The following CCND1 variants were observed in gnomAD, a reference collection of about 807,000 sequenced individuals.
The protein encoded by CCND1 is G1/S-specific cyclin-D1.
A neutral mutation model predicts 26.1 loss-of-function variants in CCND1; 9 were observed. The ratio of observed to expected loss-of-function variants is 0.35; its 90% CI spans 0.21 to 0.60. CCND1 has a LOEUF of 0.60. Ranked by LOEUF, CCND1 falls within the 20% of genes least tolerant of loss-of-function variation. The probability of loss-of-function intolerance (pLI) is 0.79; values close to 1 mark genes in which losing one functional copy is unlikely to be tolerated. For synonymous variants in CCND1, 194 were observed against 166.1 expected (o/e 1.17, Z -1.29); for missense variants, 335 against 392.9 (o/e 0.85, Z 1.25).
rs781335332 is a variant in CCND1, at chr11:69,641,403, C to T, written c.90C>T (p.Ala30=). Residue 30 remains alanine, a synonymous_variant, in exon 1 of 5, where the codon GCC becomes GCT. Transcript: ENST00000227507. ...ANLLNDRVLR[A]MLKAEETCAP... is the part of the protein sequence containing the mutation. ...TCCTCAACGACCGGGTGCTGCGGGCCATGCTGAAGGCGGAGGAGACCTGCG... is the reference window on the plus strand; with the variant it reads ...TCCTCAACGACCGGGTGCTGCGGGCTATGCTGAAGGCGGAGGAGACCTGCG... The T allele has an allele frequency of 2.5e-6, 4 of 1,613,358 alleles. No homozygotes were observed. In the Admixed American group the frequency reaches 6.7e-5, roughly 27 times the overall value.
At position 69,643,124 on chromosome 11, in the gene CCND1, C is replaced by A. The variant is rs140967247; in HGVS notation, c.292C>A (p.Arg98Ser). 1.2e-6 allele frequency: 2 copies of A among 1,610,548 alleles called. No homozygotes were observed. Among genetic ancestry groups the A allele is most frequent in the Non-Finnish European group, 1.7e-6 (2 of 1,178,866 alleles). ...FLSLEPVKKS[R>S]LQLLGATCMF... The stretch of plus-strand genomic sequence containing the variant: ...GTCGCTGGAGCCCGTGAAAAAGAGC[C>A]GCCTGCAGCTGCTGGGGGCCACTTG... The change falls in exon 2 of 5, where the codon CGC becomes AGC. Residue 98 changes from arginine (R) to serine (S), a missense_variant. Physicochemically the swap from Arg to Ser is moderately radical, Grantham distance 110. Transcript: ENST00000227507.
At position 69,647,989 on chromosome 11, in the gene CCND1, C is replaced by T. The variant is rs776761881; in HGVS notation, c.575-5C>T. On this transcript the variant is annotated splice_polypyrimidine_tract_variant and splice_region_variant and intron_variant, in intron 3 of 4. Coordinates refer to ENST00000227507, the MANE Select transcript of CCND1 (RefSeq NM_053056.3). ...AGCCTCCTTCCCTCTCTCCTTCTGC[C>T]TCAGATGTGAAGTTCATTTCCAATC... The T allele has an allele frequency of 3.7e-6, 6 of 1,613,784 alleles. No individual in the cohort carries two copies. In the South Asian group the frequency reaches 4.4e-5, roughly 12 times the overall value.
intron 2 of CCND1, 89 bp downstream of exon 2, chr11:69,643,335 C>T: frequency 9.4e-7 from 1 of 1,063,744 alleles, no homozygotes; most frequent in Non-Finnish European, 1.3e-6. Flanking sequence ...GGCGGCCGGC[C>T]CGCCTCTGAC....
At chr11:69,650,761 A>C (rs1193784010) in intron 4 of CCND1, among the ~76,000 whole-genome samples, 5 of 151,956 alleles carry the variant, frequency 3.3e-5, no homozygotes, top group Non-Finnish European at 7.4e-5. Context: ...TGTCCAGATC[A>C]GATGGCACTG....
rs2120081704 is a variant in CCND1, at chr11:69,641,496, C to A, written c.183C>A (p.Ala61=). ...TGCCGTCCATGCGGAAGATCGTCGC[C>A]ACCTGGATGCTGGAGGTGCGGGGCT... ...EVLPSMRKIV[A]TWMLEVCEEQ... Residue 61 remains alanine (A), a synonymous_variant, in exon 1 of 5, where the codon GCC becomes GCA. Transcript: ENST00000227507. The A allele has an allele frequency of 6.2e-7, 1 of 1,613,144 alleles. No homozygotes were observed. The highest frequency in any genetic ancestry group is 2.2e-5 in the East Asian group (1 of 44,872).
Position 69,643,466 on chromosome 11 carries a change from G to A in CCND1, c.414+220G>A, listed in dbSNP as rs1855737469. On this transcript the variant is annotated intron_variant, in intron 2 of 4. Coordinates refer to ENST00000227507, the MANE Select transcript of CCND1 (RefSeq NM_053056.3). ...TGCGCTTGCCTGCGACTCCCACCGC[G>A]TTCGCGCCCCGCGGTGTGGCCGAAA... The A allele has an allele frequency of 8.5e-6, 4 of 472,702 alleles. No homozygotes were observed. The East Asian group carries it at 1.1e-4, about 13-fold the overall frequency. 29.3% of individuals were successfully genotyped at this position (472,702 alleles called of 1,614,324 possible).
chr11:69,643,755 C>T (rs1682652834), intron 2 of CCND1, 77 bp from the exon 3 acceptor site: 16 of 1,436,376 alleles, frequency 1.1e-5, no homozygotes, highest in Admixed American at 3.9e-5. Flanking sequence ...CGTGGCCCGG[C>T]CCCCGTGCTG....
Position 69,651,131 on chromosome 11 carries a change from C to T in CCND1, c.737C>T (p.Ala246Val), listed in dbSNP as rs2120119552. 6.2e-7 allele frequency: 1 copy of T among 1,613,062 alleles called. No individual in the cohort carries two copies. The highest frequency in any genetic ancestry group is 2.2e-5 in the East Asian group (1 of 44,752). Reference protein sequence around the residue: ...VIKCDPDCLRACQEQIEALLE... With the variant: ...VIKCDPDCLRVCQEQIEALLE... ...TCTCTCTCTCAGGACTGCCTCCGGG[C>T]CTGCCAGGAGCAGATCGAAGCCCTG... Residue 246 changes from alanine (A) to valine (V), a missense_variant, in exon 5 of 5, where the codon GCC (alanine) becomes GTC (valine). Coordinates refer to ENST00000227507, the MANE Select transcript of CCND1 (RefSeq NM_053056.3).
chr11:69,651,360 C>T lies in CCND1; in HGVS notation c.*78C>T. ...CCCAGGTGCTCCCCTGACAGTCCCT[C>T]CTCTCCGGAGCATTTTGATACCAGA... On this transcript the variant is annotated 3_prime_UTR_variant, in exon 5 of 5. Coordinates refer to ENST00000227507, the MANE Select transcript of CCND1 (RefSeq NM_053056.3). The T allele has an allele frequency of 8.1e-7, 1 of 1,236,132 alleles. No homozygotes were observed. The highest frequency in any genetic ancestry group is 1.8e-5 in the South Asian group (1 of 55,200). 76.6% of individuals were successfully genotyped at this position (1,236,132 alleles called of 1,614,324 possible).
intron 1 of CCND1, among the ~76,000 whole-genome samples, chr11:69,641,845 C>G (rs1855707023): frequency 6.6e-6 from 1 of 152,056 alleles, no homozygotes; most frequent in South Asian, 2.1e-4. Flanking sequence ...CGCCTGCGCC[C>G]CAGCCCGGCT....
At chr11:69,643,424 C>G (rs372088793) in intron 2 of CCND1, 178 bp downstream of exon 2, 21 of 517,414 alleles carry the variant, frequency 4.1e-5, no homozygotes, top group Admixed American at 8.6e-5. Context: ...TAGCCGCCCT[C>G]GTCCCGCCGC....
At chr11:69,645,312 G>C (rs1267249869) in intron 3 of CCND1, among the ~76,000 whole-genome samples, 1 of 152,216 alleles carries the variant, frequency 6.6e-6, no homozygotes, top group Non-Finnish European at 1.5e-5. Flanking sequence ...TTCCTGGAGA[G>C]AACGTGGGGC....
Position 69,654,294 on chromosome 11 carries a change from G to A in CCND1, c.*3012G>A, listed in dbSNP as rs1448921540. ...GGCCAAAGGCTGGTGGCAAGTGCAC[G>A]GGGCACAGCGGAGTCTGTCCTGTGA... On this transcript the variant is annotated 3_prime_UTR_variant, in exon 5 of 5. Transcript: ENST00000227507. This position sits in a 1 kb window ranked among gnomAD's most constrained non-coding sequence, Gnocchi z 6.3. 19 of 702,486 alleles carry A rather than the reference G, an allele frequency of 2.7e-5. No individual in the cohort carries two copies. The highest frequency in any genetic ancestry group is 1.8e-5 in the Non-Finnish European group (7 of 385,016). 43.5% of individuals were successfully genotyped at this position (702,486 alleles called of 1,614,324 possible). A position where few individuals can be genotyped will look rare whatever the true frequency, so the allele number is the denominator to read the frequency against.
At chr11:69,649,129 C>T (rs1300019098) in intron 4 of CCND1, among the ~76,000 whole-genome samples, 2 of 152,304 alleles carry the variant, frequency 1.3e-5, no homozygotes, top group South Asian at 4.1e-4. Context: ...TGTCCTCACC[C>T]GCTGTAGGGT....
chr11:69,648,215 C>T (rs1384542368), intron 4 of CCND1, 73 bp downstream of exon 4: 66 of 1,571,700 alleles, frequency 4.2e-5, no homozygotes, highest in Admixed American at 5.1e-5. Context: ...ACGGAAATGC[C>T]GAGGCTGGTG....
In CCND1 at chr11:69,653,269, G is replaced by T; in HGVS notation, c.*1987G>T. On this transcript the variant is annotated 3_prime_UTR_variant, in exon 5 of 5. Transcript: ENST00000227507. ...CTGCTACCGTTGACTTCCAGGCACG[G>T]TTTGGAAATATTCACATCGCTTCTG... 1 of 702,154 alleles carries T rather than the reference G, an allele frequency of 1.4e-6. No individual in the cohort carries two copies. 43.5% of individuals were successfully genotyped at this position (702,154 alleles called of 1,614,324 possible).
chr11:69,645,976 C>G (rs1855773143), intron 3 of CCND1, among the ~76,000 whole-genome samples: 2 of 152,188 alleles, frequency 1.3e-5, no homozygotes, highest in African/African-American at 4.8e-5. Flanking sequence ...CCTTTACAAC[C>G]AGGCAGCGGA....
At position 69,647,236 on chromosome 11, in the gene CCND1, G is replaced by C. The variant is rs1161584398; in HGVS notation, c.575-758G>C. 2.0e-5 allele frequency among the ~76,000 whole-genome samples: 3 copies of C among 152,244 alleles called. No individual in the cohort carries two copies. The East Asian group carries it at 5.8e-4, about 29-fold the overall frequency. On this transcript the variant is annotated intron_variant, in intron 3 of 4. Coordinates refer to ENST00000227507, the MANE Select transcript of CCND1 (RefSeq NM_053056.3). ...GCCAGAAATAGGAGAGTTGTGAGTA[G>C]AGGGCCCGGGTGGAGTTGGGGTGTA...
rs2120088436 is a variant in CCND1 at position 69,643,069 on chromosome 11, G to A, written c.237G>A (p.Pro79=). 3.7e-6 allele frequency: 6 copies of A among 1,607,626 alleles called. No individual in the cohort carries two copies. The highest frequency in any genetic ancestry group is 4.2e-6 in the Non-Finnish European group (5 of 1,177,466). Residue 79 remains proline (P), a synonymous_variant, in exon 2 of 5, where the codon CCG becomes CCA. Transcript: ENST00000227507. The part of the protein sequence containing the change: ...EEQKCEEEVF[P]LAMNYLDRFL... ...AGAAGTGCGAGGAGGAGGTCTTCCCGCTGGCCATGAACTACCTGGACCGCT... is the reference window on the plus strand; with the variant it reads ...AGAAGTGCGAGGAGGAGGTCTTCCCACTGGCCATGAACTACCTGGACCGCT...
Sources: gnomAD v4.1 joint callset for allele counts (sites outside exome capture counted in the v4.1 genomes callset) on GRCh38, gnomAD v4.1.1 for gene constraint, Gnocchi (gnomAD v3.1) non-coding constraint, MANE v1.5 for transcripts, NCBI Gene and HGNC (gene_info 2026-07-23, HGNC 2026-07-21) for gene names.